MALRD1: variants seen among roughly 807,000 people sequenced by gnomAD.
MALRD1 encodes MAM and LDL-receptor class A domain-containing protein 1.
Under a neutral mutation model 242.1 loss-of-function variants are expected in MALRD1, and 247 were observed. That is an observed-to-expected ratio of 1.02 (90% CI 0.92 to 1.13). MALRD1 has a LOEUF of 1.13. MALRD1 is among the 50% of genes most tolerant of loss of function. The pLI is 0.00. For missense variants in MALRD1, 2,989 were observed against 2,533.1 expected (o/e 1.18, Z -3.86); for synonymous variants, 995 against 866.6 (o/e 1.15, Z -2.60).
chr10:19,587,674 G>T (rs1415922478), intron 33 of MALRD1, among the ~76,000 whole-genome samples: 5 of 152,192 alleles, frequency 3.3e-5, no homozygotes, highest in African/African-American at 1.2e-4. Context: ...TTGTGGGAGG[G>T]CAAAGAAACA....
intron 31 of MALRD1, among the ~76,000 whole-genome samples, chr10:19,508,989 C>T (rs935003853): frequency 4.6e-5 from 7 of 152,126 alleles, no homozygotes; most frequent in African/African-American, 1.4e-4. Flanking sequence ...GTCTATTTGA[C>T]ATCCAATCCA....
At position 19,494,582 on chromosome 10, in the gene MALRD1, C is replaced by T. The variant is rs552792149; in HGVS notation, c.5158+2937C>T. On this transcript the variant is annotated intron_variant, in intron 30 of 39. Coordinates refer to ENST00000454679, the MANE Select transcript of MALRD1 (RefSeq NM_001142308.3). ...TGAAATATCCAGTATAAAAAAATAA[C>T]GTAATTCACCTAATGGAGCTAAAAA... 1.5e-4 allele frequency among the ~76,000 whole-genome samples: 23 copies of T among 152,148 alleles called. 1 individual carries two copies. In the Middle Eastern group the frequency reaches 0.017, roughly 113 times the overall value.
intron 7 of MALRD1, among the ~76,000 whole-genome samples, chr10:19,127,669 T>C (rs1257262201): frequency 6.6e-6 from 1 of 152,188 alleles, no homozygotes; most frequent in Non-Finnish European, 1.5e-5. Context: ...GGGAAAAATT[T>C]ATTTACAATA....
At chr10:19,645,213 A>T (rs1360355271) in intron 36 of MALRD1, among the ~76,000 whole-genome samples, 1 of 152,180 alleles carries the variant, frequency 6.6e-6, no homozygotes, top group Non-Finnish European at 1.5e-5. Context: ...GGCGATCATT[A>T]AAAAGTCAGG....
chr10:19,401,425 C>G (rs894282110), intron 28 of MALRD1, among the ~76,000 whole-genome samples: 2 of 152,034 alleles, frequency 1.3e-5, no homozygotes, highest in Non-Finnish European at 2.9e-5. Context: ...TTTGTATAAA[C>G]ACAAATAATA....
intron 26 of MALRD1, among the ~76,000 whole-genome samples, chr10:19,366,673 G>A (rs1184463649): frequency 3.3e-5 from 5 of 152,106 alleles, no homozygotes; most frequent in African/African-American, 1.2e-4. Context: ...GCATTCTGGT[G>A]ATGAACATAT....
intron 38 of MALRD1, 99 bp from the exon 39 acceptor site, chr10:19,730,607 C>A: frequency 8.6e-7 from 1 of 1,168,718 alleles, no homozygotes; most frequent in Non-Finnish European, 1.2e-6. Flanking sequence ...GCTGGCTAGA[C>A]AACATGTCTC....
rs112521737 is a variant in MALRD1 at position 19,640,309 on chromosome 10, A to C, written c.6137+24386A>C. 2.9e-3 allele frequency among the ~76,000 whole-genome samples: 440 copies of C among 152,074 alleles called. 3 individuals are homozygous for C. Among genetic ancestry groups the C allele is most frequent in the African/African-American group, 0.01 (424 of 41,500 alleles). Reference sequence around the variant, plus strand: ...TCACCATTTTGGCCAGGCTGGTCTCAAACTCTTGACCTCAGGTGGTCCACC... The same window carrying C: ...TCACCATTTTGGCCAGGCTGGTCTCCAACTCTTGACCTCAGGTGGTCCACC... On this transcript the variant is annotated intron_variant, in intron 36 of 39. Coordinates refer to ENST00000454679, the MANE Select transcript of MALRD1 (RefSeq NM_001142308.3).
chr10:19,440,270 C>T (rs910118233), intron 28 of MALRD1, among the ~76,000 whole-genome samples: 4 of 151,934 alleles, frequency 2.6e-5, no homozygotes, highest in African/African-American at 9.7e-5. Flanking sequence ...TATTGCTATT[C>T]TGTTTCATAT....
chr10:19,440,731 T>A (rs1834596455), intron 28 of MALRD1, among the ~76,000 whole-genome samples: 1 of 152,214 alleles, frequency 6.6e-6, no homozygotes, highest in Non-Finnish European at 1.5e-5. Flanking sequence ...ATTTTCTTAA[T>A]CCAGTCTATC....
At chr10:19,344,716 C>T (rs1048541138) in intron 24 of MALRD1, among the ~76,000 whole-genome samples, 40 of 140,676 alleles carry the variant, frequency 2.8e-4, no homozygotes, top group African/African-American at 1.0e-3. Context: ...AATACCATGT[C>T]AATTGGGGGG....
At chr10:19,306,308 A>T (rs1160576479) in intron 21 of MALRD1, among the ~76,000 whole-genome samples, 2 of 140,126 alleles carry the variant, frequency 1.4e-5, no homozygotes, top group African/African-American at 5.2e-5. Flanking sequence ...TGTCGTATAT[A>T]TACCGTATAT....
chr10:19,534,362 A>G (rs1834556778), intron 32 of MALRD1, among the ~76,000 whole-genome samples: 1 of 152,216 alleles, frequency 6.6e-6, no homozygotes, highest in South Asian at 2.1e-4. Flanking sequence ...AGTGAAGTGG[A>G]AACCCATTCT....
intron 28 of MALRD1, among the ~76,000 whole-genome samples, chr10:19,444,786 C>G (rs1248592330): frequency 6.6e-6 from 1 of 152,122 alleles, no homozygotes; most frequent in Non-Finnish European, 1.5e-5. Context: ...AATTATGTGT[C>G]TTGGAGTTGC....
intron 29 of MALRD1, among the ~76,000 whole-genome samples, chr10:19,459,913 C>T (rs1175691347): frequency 6.6e-6 from 1 of 151,638 alleles, no homozygotes; most frequent in Non-Finnish European, 1.5e-5. Context: ...GCTTAAATAG[C>T]CCTTGAAATA....
chr10:19,229,824 C>T (rs765156256), intron 18 of MALRD1, among the ~76,000 whole-genome samples: 10 of 152,128 alleles, frequency 6.6e-5, no homozygotes, highest in Non-Finnish European at 1.2e-4. Context: ...CTCTAGACTG[C>T]TGTGACCCAC....
intron 18 of MALRD1, among the ~76,000 whole-genome samples, chr10:19,238,396 T>TATACATTATACATA (rs1838527496): frequency 1.2e-5 from 1 of 81,842 alleles, no homozygotes; most frequent in African/African-American, 4.9e-5. Context: ...TTATATATGT[T>TATACATTATACATA]ATATATTATG....
At chr10:19,124,008 T>C (rs2131380271) in intron 6 of MALRD1, among the ~76,000 whole-genome samples, 1 of 145,188 alleles carries the variant, frequency 6.9e-6, no homozygotes, top group South Asian at 2.2e-4. Context: ...GAGCTCAAAA[T>C]TAGCCTGGGC....
At chr10:19,681,338 G>C (rs1299671806) in intron 36 of MALRD1, among the ~76,000 whole-genome samples, 1 of 152,086 alleles carries the variant, frequency 6.6e-6, no homozygotes, top group Non-Finnish European at 1.5e-5. Flanking sequence ...ATAGTTCTCT[G>C]AGGTTTTGTT....
Sources: allele counts gnomAD v4.1 joint callset (sites outside exome capture counted in the v4.1 genomes callset), GRCh38; gene constraint gnomAD v4.1.1; transcripts MANE v1.5; gene names NCBI Gene and HGNC (gene_info 2026-07-23, HGNC 2026-07-21).